Variants in RUNX1T1 observed in about 807,000 individuals in gnomAD.
RUNX1T1 encodes the protein protein CBFA2T1.
In RUNX1T1, 4 loss-of-function variants were observed where a neutral mutation model predicts 62.8. That is an observed-to-expected ratio of 0.06 (90% CI 0.03 to 0.15). The LOEUF is 0.15. Ranked by LOEUF, RUNX1T1 falls within the 10% of genes least tolerant of loss-of-function variation. The pLI, the probability that RUNX1T1 is intolerant of heterozygous loss-of-function variation, is 1.00. For synonymous variants in RUNX1T1, 291 were observed against 286.0 expected, an observed-to-expected ratio of 1.02 and a Z score of -0.18; for missense variants, 508 against 754.3, an observed-to-expected ratio of 0.67 and a Z score of 3.82.
chr8:92,061,320 A>G (rs1342540055), intron 1 of RUNX1T1, among the ~76,000 whole-genome samples: 1 of 152,192 alleles, frequency 6.6e-6, no homozygotes, highest in Admixed American at 6.5e-5. Context: ...GAAATAAAAA[A>G]CACAGGCACT....
At chr8:91,991,913 T>C in intron 5 of RUNX1T1, 24 bp from the exon 7 acceptor site, 1 of 1,612,936 alleles carries the variant, frequency 6.2e-7, no homozygotes. Context: ...AAACAAGAGT[T>C]TGTTTCATCA....
chr8:92,093,543 G>T (rs1160821), intron 1 of RUNX1T1, among the ~76,000 whole-genome samples: 2 of 152,220 alleles, frequency 1.3e-5, no homozygotes, highest in Non-Finnish European at 2.9e-5. Context: ...ACTTTGTATT[G>T]AACCCATTAT....
intron 1 of RUNX1T1, among the ~76,000 whole-genome samples, chr8:92,060,293 C>A (rs1322009123): frequency 6.6e-6 from 1 of 151,806 alleles, no homozygotes; most frequent in Non-Finnish European, 1.5e-5. Flanking sequence ...AAACAATATG[C>A]TAGCAACATC....
At chr8:91,989,725 T>C (rs1297093104) in intron 6 of RUNX1T1, among the ~76,000 whole-genome samples, 2 of 152,178 alleles carry the variant, frequency 1.3e-5, no homozygotes, top group East Asian at 1.9e-4. Context: ...CATGCAATCA[T>C]GGTTTTCAGT....
intron 1 of RUNX1T1, among the ~76,000 whole-genome samples, chr8:92,053,652 G>T (rs1222229141): frequency 6.6e-6 from 1 of 152,068 alleles, no homozygotes. Context: ...CATTCGTAAA[G>T]ACCACTTACT....
intron 5 of RUNX1T1, among the ~76,000 whole-genome samples, chr8:92,004,186 C>G (rs953983481): frequency 6.6e-6 from 1 of 152,170 alleles, no homozygotes; most frequent in African/African-American, 2.4e-5. Context: ...AGGGTGTTAA[C>G]CTCTCAAAGG....
intron 8 of RUNX1T1, among the ~76,000 whole-genome samples, chr8:91,978,727 A>G (rs1198273851): frequency 2.0e-5 from 3 of 152,192 alleles, no homozygotes; most frequent in African/African-American, 7.2e-5. Flanking sequence ...ATGAATGTTT[A>G]TAACACCCAA....
intron 8 of RUNX1T1, among the ~76,000 whole-genome samples, chr8:91,984,443 G>T (rs1415816894): frequency 2.6e-5 from 4 of 152,102 alleles, no homozygotes; most frequent in Non-Finnish European, 5.9e-5. Context: ...CTATCCTATG[G>T]CTTGAACACT....
At chr8:91,985,222 C>T (rs77737207) in intron 8 of RUNX1T1, among the ~76,000 whole-genome samples, 3,527 of 152,250 alleles carry the variant, frequency 0.023, 131 homozygotes, top group African/African-American at 0.08. Flanking sequence ...CAGAAATCCA[C>T]CTTCGTAAGT....
At chr8:92,081,314 AT>A in intron 1 of RUNX1T1, 1 of 777,606 alleles carries the variant, frequency 1.3e-6, no homozygotes, top group Non-Finnish European at 1.6e-6. Context: ...GGTAGTACCT[AT>A]TTTAATATAA....
intron 10 of RUNX1T1, 65 bp downstream of exon 11, chr8:91,970,593 G>T (rs1009403947): frequency 2.2e-6 from 3 of 1,345,762 alleles, no homozygotes; most frequent in African/African-American, 3.0e-5. Flanking sequence ...CACCTTGAAT[G>T]AAGAATGAGC....
downstream of RUNX1T1, chr8:91,956,145 T>A (rs1456070465): frequency 1.3e-5 from 3 of 229,884 alleles, no homozygotes; most frequent in Non-Finnish European, 2.6e-5. Flanking sequence ...CAGATTTAGG[T>A]ACTCATTTCT....
intron 1 of RUNX1T1, among the ~76,000 whole-genome samples, chr8:92,034,797 TACACACACAC>T (rs200718439): frequency 2.8e-4 from 27 of 96,850 alleles, no homozygotes; most frequent in Admixed American, 1.2e-3. Context: ...TATACATATA[TACACACACAC>T]ACACACACAC....
At chr8:92,057,589 T>C (rs1482354599) in intron 1 of RUNX1T1, among the ~76,000 whole-genome samples, 2 of 152,206 alleles carry the variant, frequency 1.3e-5, no homozygotes, top group Non-Finnish European at 2.9e-5. Context: ...AGTTATATAT[T>C]CCCTTTGAGA....
At chr8:91,955,470 T>A (rs910460124), downstream of RUNX1T1, 2 of 226,718 alleles carry the variant, frequency 8.8e-6, no homozygotes, top group African/African-American at 4.4e-5. Flanking sequence ...TTTCCACTAT[T>A]TAAAAAAAAA....
chr8:92,095,650 G>T (rs1242526444), intron 1 of RUNX1T1: 7 of 1,195,730 alleles, frequency 5.9e-6, no homozygotes, highest in African/African-American at 1.6e-5. Flanking sequence ...GGACAGGCAG[G>T]AGGGAAGGAG....
At chr8:91,968,280 G>C (rs1186291067) in intron 10 of RUNX1T1, among the ~76,000 whole-genome samples, 1 of 152,144 alleles carries the variant, frequency 6.6e-6, no homozygotes, top group African/African-American at 2.4e-5. Flanking sequence ...CCTGACAGTG[G>C]AAGGGGGCGC....
downstream of RUNX1T1, chr8:91,957,154 T>C (rs953499883): frequency 2.3e-5 from 5 of 213,202 alleles, no homozygotes; most frequent in South Asian, 3.7e-4. Flanking sequence ...TAATGTGTTA[T>C]ACCTACAAAT....
upstream of RUNX1T1, chr8:92,099,722 C>T (rs1385577942): frequency 6.4e-6 from 5 of 784,088 alleles, no homozygotes; most frequent in South Asian, 1.7e-4. Context: ...CATTCAGTGC[C>T]TGTCAGCTGA....
Sources: allele counts gnomAD v4.1 joint callset (sites outside exome capture counted in the v4.1 genomes callset), GRCh38; gene constraint gnomAD v4.1.1; transcripts MANE v1.5; gene names NCBI Gene and HGNC (gene_info 2026-07-23, HGNC 2026-07-21).